The following TACC2 variants were observed in gnomAD, a reference collection of about 807,000 sequenced individuals.
TACC2 encodes transforming acidic coiled-coil containing protein 2.
In TACC2, 137 loss-of-function variants were observed where a neutral mutation model predicts 227.3. The ratio of observed to expected loss-of-function variants is 0.60; its 90% confidence interval spans 0.52 to 0.69. The LOEUF (loss-of-function observed/expected upper bound fraction) is 0.69, where lower values mean the gene tolerates loss of function less well. Among genes scored for constraint, TACC2 ranks in the 30% least tolerant of loss-of-function variants. TACC2 has a pLI of 0.00. For synonymous variants in TACC2, 1,523 were observed against 1,487.5 expected, an observed-to-expected ratio of 1.02 and a Z score of -0.55; for missense variants, 3,470 against 3,694.4, an observed-to-expected ratio of 0.94 and a Z score of 1.57.
At chr10:122,062,431 G>A (rs2076939109) in intron 3 of TACC2, among the ~76,000 whole-genome samples, 1 of 151,718 alleles carries the variant, frequency 6.6e-6, no homozygotes, top group African/African-American at 2.4e-5. Context: ...GGCCTCCGGA[G>A]TAGCTGGGAT....
intron 7 of TACC2, chr10:122,163,580 G>C (rs1449521974): frequency 1.0e-6 from 1 of 999,612 alleles, no homozygotes; most frequent in Non-Finnish European, 1.2e-6. Context: ...TCACACACAG[G>C]AGCCGGCTGC....
intron 3 of TACC2, among the ~76,000 whole-genome samples, chr10:122,054,208 T>C (rs1320938254): frequency 1.3e-5 from 2 of 152,258 alleles, no homozygotes; most frequent in African/African-American, 2.4e-5. Context: ...CTTGCTTTTC[T>C]GGTTGCCACG....
At chr10:122,237,567 C>T (rs773795450) in intron 17 of TACC2, 29 bp downstream of exon 17, 2 of 1,591,338 alleles carry the variant, frequency 1.3e-6, no homozygotes, top group African/African-American at 1.3e-5. Flanking sequence ...TAATTACCCT[C>T]TTCCTGCCAC....
At chr10:122,208,064 A>G (rs1026994130) in intron 8 of TACC2, among the ~76,000 whole-genome samples, 4 of 152,152 alleles carry the variant, frequency 2.6e-5, no homozygotes, top group African/African-American at 9.7e-5. Flanking sequence ...TAGAGGAAAC[A>G]GGGAGTTGAT....
rs746440335 is a variant in TACC2, at chr10:122,082,988, C to T, written c.488C>T (p.Pro163Leu). 2.5e-6 allele frequency: 4 copies of T among 1,612,838 alleles called. No homozygotes were observed. The highest frequency in any genetic ancestry group is 1.1e-5 in the South Asian group (1 of 91,076). The change falls in exon 4 of 23, where the codon CCA becomes CTA. Residue 163 changes from proline to leucine, a missense_variant. Physicochemically the swap from Pro to Leu is moderately conservative, Grantham distance 98. Around this residue, in one of 10 missense-constraint regions of TACC2, gnomAD observed 405 missense variants for 389.6 expected, o/e 1.04. Transcript: ENST00000369005. Reference protein sequence around the residue: ...AFPAERDSSTPYQEIAAVPSA... With the variant: ...AFPAERDSSTLYQEIAAVPSA... ...CCCGCTGAGAGGGACAGCTCTACTC[C>T]ATACCAAGAGATTGCTGCCGTCCCC...
At chr10:122,073,761 A>T (rs1302589527) in intron 3 of TACC2, among the ~76,000 whole-genome samples, 1 of 152,086 alleles carries the variant, frequency 6.6e-6, no homozygotes, top group Non-Finnish European at 1.5e-5. Context: ...CATTCCTTGG[A>T]CAGAGGAAGC....
intron 7 of TACC2, among the ~76,000 whole-genome samples, chr10:122,174,803 T>C (rs2093631118): frequency 6.6e-6 from 1 of 152,192 alleles, no homozygotes; most frequent in Non-Finnish European, 1.5e-5. Flanking sequence ...TAACCAGTAG[T>C]TGAACTAATT....
intron 7 of TACC2, among the ~76,000 whole-genome samples, chr10:122,189,339 G>A (rs569803111): frequency 5.9e-5 from 9 of 152,290 alleles, no homozygotes; most frequent in Admixed American, 3.9e-4. Flanking sequence ...GAGACTGTCT[G>A]ATCTGTCGCC....
chr10:122,133,871 G>A (rs4237537), intron 6 of TACC2, among the ~76,000 whole-genome samples: 90,657 of 152,100 alleles, frequency 0.6, 31,261 homozygotes, highest in Non-Finnish European at 0.75. Context: ...CTCTGGAACC[G>A]CAGTACCCAA....
At chr10:122,248,345 G>T in intron 19 of TACC2, 1 of 303,168 alleles carries the variant, frequency 3.3e-6, no homozygotes, top group Non-Finnish European at 6.2e-6. Flanking sequence ...AGAATCACCA[G>T]GGACACCAAT....
intron 11 of TACC2, among the ~76,000 whole-genome samples, chr10:122,219,517 G>A (rs2095482680): frequency 6.6e-6 from 1 of 152,160 alleles, no homozygotes; most frequent in South Asian, 2.1e-4. Context: ...ACAAGGTCAG[G>A]CAGGTCAACA....
rs931497056 is a variant in TACC2, at chr10:122,000,296, G to A, written c.-46+10808G>A. 2.6e-5 allele frequency among the ~76,000 whole-genome samples: 4 copies of A among 152,250 alleles called. No homozygotes were observed. The South Asian group carries it at 6.2e-4, about 24-fold the overall frequency. ...CGCAAGGCTAAGGCAGGAGAATGGC[G>A]TGAACCCAGGAGGCAGAGCTTGCAG... On this transcript the variant is annotated intron_variant, in intron 1 of 22. Coordinates refer to ENST00000369005, the MANE Select transcript of TACC2 (RefSeq NM_206862.4).
intron 1 of TACC2, among the ~76,000 whole-genome samples, chr10:121,999,209 G>A (rs1953966078): frequency 1.3e-5 from 2 of 151,962 alleles, no homozygotes; most frequent in African/African-American, 4.8e-5. Context: ...GGGTTTCACC[G>A]TTTTGGCCAG....
intron 8 of TACC2, among the ~76,000 whole-genome samples, chr10:122,204,875 C>T (rs1419516233): frequency 6.6e-6 from 1 of 151,948 alleles, no homozygotes; most frequent in Non-Finnish European, 1.5e-5. Flanking sequence ...GAGCCAGGAT[C>T]AGCCCAGGGC....
intron 6 of TACC2, among the ~76,000 whole-genome samples, chr10:122,138,226 T>C (rs1272362458): frequency 2.0e-5 from 3 of 152,124 alleles, no homozygotes; most frequent in African/African-American, 7.2e-5. Flanking sequence ...AACTGAATGA[T>C]AGGTTGGGTG....
chr10:121,994,045 G>A (rs1953162207), intron 1 of TACC2, among the ~76,000 whole-genome samples: 1 of 152,116 alleles, frequency 6.6e-6, no homozygotes, highest in Non-Finnish European at 1.5e-5. Flanking sequence ...TATATAAAGA[G>A]CTCCTCACCC....
rs868558986 is a variant in TACC2, at chr10:122,083,308, C to T, written c.808C>T (p.Pro270Ser). The change falls in exon 4 of 23, where the codon CCC (proline) becomes TCC (serine). Residue 270 changes from proline (P) to serine (S), a missense_variant. Pro to Ser is a moderately conservative substitution (Grantham distance 74, BLOSUM62 -1). This residue lies in a region of TACC2 where 405 missense variants were observed against 389.6 expected (regional missense o/e 1.04). Transcript: ENST00000369005. ...AAGCTCAGCGGTCTTGGAGAAGTCC[C>T]CCCTAAAACCCATGGCCCCGATCCC... ...TESSAVLEKSPLKPMAPIPQD... is the reference protein window; with the variant it reads ...TESSAVLEKSSLKPMAPIPQD... 4 of 1,613,898 alleles carry T rather than the reference C, an allele frequency of 2.5e-6. No individual in the cohort carries two copies. The African/African-American group carries it at 4.0e-5, about 16-fold the overall frequency.
rs1355105230 is a variant in TACC2 at position 122,141,589 on chromosome 10, C to T, written c.5700-1983C>T. Reference sequence around the variant, plus strand: ...TTCTCAGAGATGGGGCAGGTGTAGCCTTGGGCATCTGCATCAGATCCCAGG... The same window carrying T: ...TTCTCAGAGATGGGGCAGGTGTAGCTTTGGGCATCTGCATCAGATCCCAGG... On this transcript the variant is annotated intron_variant, in intron 6 of 22. Transcript: ENST00000369005. The surrounding 1 kb of genome is among the most constrained non-coding windows in gnomAD (Gnocchi z 4.3). Among the ~76,000 whole-genome samples, 1 of 152,044 alleles carries T rather than the reference C, an allele frequency of 6.6e-6. No homozygotes were observed. The highest frequency in any genetic ancestry group is 1.9e-4 in the East Asian group (1 of 5,182).
intron 1 of TACC2, among the ~76,000 whole-genome samples, chr10:122,002,429 G>A (rs2135111424): frequency 6.8e-6 from 1 of 147,704 alleles, no homozygotes; most frequent in Non-Finnish European, 1.5e-5. Flanking sequence ...TTGCTTTGTA[G>A]TTTTTGTCTG....
Sources: allele counts gnomAD v4.1 joint callset (sites outside exome capture counted in the v4.1 genomes callset), GRCh38; gene constraint gnomAD v4.1.1; regional missense constraint gnomAD v4.1.1; non-coding constraint Gnocchi (gnomAD v3.1); transcripts MANE v1.5; gene names NCBI Gene and HGNC (gene_info 2026-07-23, HGNC 2026-07-21).